JAKMIP3: variants seen among roughly 807,000 people sequenced by gnomAD.
JAKMIP3 encodes Janus kinase and microtubule interacting protein 3, also known as janus kinase and microtubule-interacting protein 3.
JAKMIP3 carries 58 observed loss-of-function variants against 118.5 expected under a neutral mutation model. That is an observed-to-expected ratio of 0.49 (90% CI 0.40 to 0.61). The LOEUF (loss-of-function observed/expected upper bound fraction) is 0.61, where lower values mean the gene tolerates loss of function less well. Ranked by LOEUF, JAKMIP3 falls within the 20% of genes least tolerant of loss-of-function variation. The pLI, the probability that JAKMIP3 is intolerant of heterozygous loss-of-function variation, is 0.00. For synonymous variants in JAKMIP3, 486 were observed against 451.2 expected (o/e 1.08, Z -0.98); for missense variants, 950 against 1,109.0 (o/e 0.86, Z 2.04).
chr10:132,132,279 A>G (rs1224068004), intron 3 of JAKMIP3, among the ~76,000 whole-genome samples: 3 of 152,182 alleles, frequency 2.0e-5, no homozygotes, highest in Admixed American at 1.3e-4. Context: ...AAGATATCCC[A>G]TTCTGCTCTG....
chr10:132,137,988 G>C lies in JAKMIP3; in HGVS notation c.1285-131G>C, dbSNP rs549998273. 4.6e-4 allele frequency: 324 copies of C among 711,734 alleles called. 2 individuals are homozygous for C. Among genetic ancestry groups the C allele is most frequent in the African/African-American group, 2.5e-3 (56 of 22,696 alleles). The allele number at this position is 711,734 out of a possible 1,614,324, so 44.1% of individuals were successfully genotyped here. A position where few individuals can be genotyped will look rare whatever the true frequency, so the allele number is the denominator to read the frequency against. On this transcript the variant is annotated intron_variant, in intron 8 of 23. Transcript: ENST00000684848. Reference sequence around the variant, plus strand: ...GCTGGAGCCAGGGCCTCCCGCTGTGGTGTGGGGACAAGCCAGCCCAGACAC... The same window carrying C: ...GCTGGAGCCAGGGCCTCCCGCTGTGCTGTGGGGACAAGCCAGCCCAGACAC...
rs890003958 is a variant in JAKMIP3 at position 132,118,703 on chromosome 10, C to T, written c.633+1129C>T. Among the ~76,000 whole-genome samples, 2 of 152,216 alleles carry T rather than the reference C, an allele frequency of 1.3e-5. No homozygotes were observed. The highest frequency in any genetic ancestry group is 2.9e-5 in the Non-Finnish European group (2 of 68,030). On this transcript the variant is annotated intron_variant, in intron 3 of 23. Transcript: ENST00000684848. This position sits in a 1 kb window ranked among gnomAD's most constrained non-coding sequence, Gnocchi z 4.8. ...CAAACGTGCCTAACCCGGGTGATTC[C>T]CTTCCTTTCCAAAGTGGTCCCTGTT...
chr10:132,152,974 A>C lies in JAKMIP3; in HGVS notation c.2024A>C (p.Glu675Ala). 1 of 1,607,906 alleles carries C rather than the reference A, an allele frequency of 6.2e-7. No homozygotes were observed. The change falls in exon 17 of 24, where the codon GAG becomes GCG. Residue 675 changes from glutamate to alanine, a missense_variant. Transcript: ENST00000684848. ...DNAVSNLTNE[E>A]QVVVIQARTV... ...TGGGTGCAGAACCTGACCAATGAGG[A>C]GCAGGTGGTTGTCATACAAGCCAGG...
chr10:132,139,308 GTGTGTA>G lies in JAKMIP3; in HGVS notation c.1345-1131_1345-1126del, dbSNP rs1390914628. ...TATATGCATCTGTGTATGTGTGTGA[GTGTGTA>G]TGTGTATGTGTGTGTGTTTGTATGT... On this transcript the variant is annotated intron_variant, in intron 9 of 23. Coordinates refer to ENST00000684848, the MANE Select transcript of JAKMIP3 (RefSeq NM_001323087.2). 1.4e-3 allele frequency among the ~76,000 whole-genome samples: 90 copies of G among 63,782 alleles called. 3 individuals carry two copies. Among genetic ancestry groups the G allele is most frequent in the African/African-American group, 3.2e-3 (31 of 9,798 alleles). The allele number at this position is 63,782 out of a possible 152,430, so 41.8% of individuals were successfully genotyped here. A position where few individuals can be genotyped will look rare whatever the true frequency, so the allele number is the denominator to read the frequency against.
At chr10:132,109,352 T>G (rs2046483986) in intron 2 of JAKMIP3, among the ~76,000 whole-genome samples, 1 of 152,142 alleles carries the variant, frequency 6.6e-6, no homozygotes, top group South Asian at 2.1e-4. Context: ...AAAAAGATTG[T>G]GTGCACACAG....
At chr10:132,160,067 C>T (rs1159615141) in intron 19 of JAKMIP3, among the ~76,000 whole-genome samples, 1 of 4,534 alleles carries the variant, frequency 2.2e-4, no homozygotes, top group Non-Finnish European at 3.2e-4. Flanking sequence ...TGGCCTCTTC[C>T]TGTGTGATGC....
At position 132,138,174 on chromosome 10, in the gene JAKMIP3, C is replaced by G. The variant is rs372013380; in HGVS notation, c.1340C>G (p.Pro447Arg). 4.6e-5 allele frequency: 74 copies of G among 1,610,026 alleles called. No individual in the cohort carries two copies. Among genetic ancestry groups the G allele is most frequent in the Non-Finnish European group, 5.2e-5 (61 of 1,178,234 alleles). The change falls in exon 9 of 24, where the codon CCC becomes CGC. Residue 447 changes from proline (P) to arginine (R), a missense_variant. Pro to Arg is a moderately radical substitution (Grantham distance 103). Transcript: ENST00000684848. The part of the protein sequence containing the change: ...RKQRKKMAKL[P>R]KPVVVETFFG... ...CAAAGAAAGAAAATGGCAAAACTTC[C>G]CAAGGTAAGGAACAGCACACCGGCA...
chr10:132,180,624 T>TGCGTGC lies in JAKMIP3; in HGVS notation c.*1104-1728_*1104-1727insCGCGTG, dbSNP rs1565019393. On this transcript the variant is annotated intron_variant, in intron 23 of 23. Transcript: ENST00000684848. ...GTGCGCGTGTGTGTGTGCGTGTGTG[T>TGCGTGC]GCGTGTGTGCGTGCGTGTGTGCGTG... 1.8e-3 allele frequency among the ~76,000 whole-genome samples: 32 copies of TGCGTGC among 18,076 alleles called. 4 individuals are homozygous for TGCGTGC. Among genetic ancestry groups the TGCGTGC allele is most frequent in the African/African-American group, 8.2e-3 (32 of 3,886 alleles). The allele number at this position is 18,076 out of a possible 152,430, so 11.9% of individuals were successfully genotyped here.
intron 23 of JAKMIP3, among the ~76,000 whole-genome samples, chr10:132,178,039 T>G (rs1468870275): frequency 6.6e-6 from 1 of 152,244 alleles, no homozygotes; most frequent in African/African-American, 2.4e-5. Context: ...GTGAACCTGC[T>G]CCTGTGCACC....
At chr10:132,123,349 G>C (rs931437915) in intron 3 of JAKMIP3, among the ~76,000 whole-genome samples, 3 of 152,192 alleles carry the variant, frequency 2.0e-5, no homozygotes. Flanking sequence ...TTCAGACGTT[G>C]TTAAAGACTC....
At chr10:132,046,205 A>G (rs1476910050) in intron 1 of JAKMIP3, among the ~76,000 whole-genome samples, 3 of 152,208 alleles carry the variant, frequency 2.0e-5, no homozygotes, top group South Asian at 2.1e-4. Flanking sequence ...CTGTAATCCC[A>G]GCACTCTGGG....
intron 23 of JAKMIP3, among the ~76,000 whole-genome samples, chr10:132,176,304 C>T (rs955345759): frequency 6.6e-6 from 1 of 152,186 alleles, no homozygotes; most frequent in South Asian, 2.1e-4. Context: ...CATGGCAGAA[C>T]CAGCGGGAGG....
At chr10:132,130,860 C>A (rs112694250) in intron 3 of JAKMIP3, among the ~76,000 whole-genome samples, 16 of 152,282 alleles carry the variant, frequency 1.1e-4, no homozygotes, top group African/African-American at 3.6e-4. Context: ...GCTTCCCAGG[C>A]TCCACCCTAG....
rs543126382 is a variant in JAKMIP3, at chr10:132,143,541, C to T, written c.1602+1493C>T. Among the ~76,000 whole-genome samples the T allele has an allele frequency of 5.7e-5, 8 of 140,136 alleles. No homozygotes were observed. The East Asian group carries it at 1.2e-3, about 21-fold the overall frequency. The allele number at this position is 140,136 out of a possible 152,430, so 91.9% of individuals were successfully genotyped here. A position where few individuals can be genotyped will look rare whatever the true frequency, so the allele number is the denominator to read the frequency against. ...TTAGAGAGTAAAAATGTCCAAACTGCATGTAAAAAAAAGTTTAATGTCATT... is the reference window on the plus strand; with the variant it reads ...TTAGAGAGTAAAAATGTCCAAACTGTATGTAAAAAAAAGTTTAATGTCATT... On this transcript the variant is annotated intron_variant, in intron 11 of 23. Transcript: ENST00000684848.
intron 3 of JAKMIP3, among the ~76,000 whole-genome samples, chr10:132,125,479 C>G (rs905978793): frequency 6.6e-6 from 1 of 152,374 alleles, no homozygotes; most frequent in Middle Eastern, 3.4e-3. Context: ...CACTCTAAAG[C>G]ACATCCTGAC....
At chr10:132,114,966 T>C (rs2047403274) in intron 2 of JAKMIP3, among the ~76,000 whole-genome samples, 1 of 152,242 alleles carries the variant, frequency 6.6e-6, no homozygotes. Context: ...AATGAATTCA[T>C]TTCTTCATTC....
intron 23 of JAKMIP3, among the ~76,000 whole-genome samples, chr10:132,180,900 G>A (rs1249628494): frequency 6.6e-6 from 1 of 152,064 alleles, no homozygotes; most frequent in Middle Eastern, 3.2e-3. Flanking sequence ...TGTATGTGTT[G>A]TGCATTGCAT....
chr10:132,144,601 AAGTG>A (rs1443620896), intron 11 of JAKMIP3: 1 of 153,154 alleles, frequency 6.5e-6, no homozygotes, highest in Non-Finnish European at 1.5e-5. Context: ...CTTAGAATCT[AAGTG>A]AGATCTCTTG....
intron 1 of JAKMIP3, among the ~76,000 whole-genome samples, chr10:132,070,528 T>C (rs1026251071): frequency 2.5e-4 from 38 of 152,194 alleles, no homozygotes; most frequent in African/African-American, 9.2e-4. Context: ...CCATGCGTGA[T>C]CTTTGCTGTG....
Sources: gnomAD v4.1 joint callset for allele counts (sites outside exome capture counted in the v4.1 genomes callset) on GRCh38, gnomAD v4.1.1 for gene constraint, Gnocchi (gnomAD v3.1) non-coding constraint, MANE v1.5 for transcripts, NCBI Gene and HGNC (gene_info 2026-07-23, HGNC 2026-07-21) for gene names.